The following NELL1 variants were observed in gnomAD, a reference collection of about 807,000 sequenced individuals.
The protein encoded by NELL1 is protein kinase C-binding protein NELL1.
A neutral mutation model predicts 107.4 loss-of-function variants in NELL1; 76 were observed. The ratio of observed to expected loss-of-function variants is 0.71; its 90% CI spans 0.59 to 0.86. NELL1 has a LOEUF of 0.86. Among genes scored for constraint, NELL1 ranks in the 40% least tolerant of loss-of-function variants. The probability of loss-of-function intolerance (pLI) is 0.00; values close to 1 mark genes in which losing one functional copy is unlikely to be tolerated. For missense variants in NELL1, 1,024 were observed against 1,005.5 expected (o/e 1.02, Z -0.25); for synonymous variants, 353 against 341.2 (o/e 1.03, Z -0.38).
chr11:21,113,391 C>G (rs746450820), intron 12 of NELL1, among the ~76,000 whole-genome samples, 198 bp from the exon 13 acceptor site: 19 of 151,998 alleles, frequency 1.3e-4, no homozygotes, highest in Non-Finnish European at 2.1e-4. Context: ...CACCATGCAT[C>G]GTTCTGGAAA....
chr11:21,457,217 G>C (rs4922823), intron 15 of NELL1, among the ~76,000 whole-genome samples: 27,840 of 152,072 alleles, frequency 0.18, 3,190 homozygotes, highest in Non-Finnish European at 0.26. Flanking sequence ...AAATTTAATA[G>C]TTCTTGGCTG....
chr11:21,026,064 A>C (rs1852807286), intron 12 of NELL1, among the ~76,000 whole-genome samples: 1 of 152,086 alleles, frequency 6.6e-6, no homozygotes. Flanking sequence ...AGCCCCCATA[A>C]ACTTTCACCT....
At chr11:21,110,830 G>C (rs1158074091) in intron 12 of NELL1, among the ~76,000 whole-genome samples, 1 of 152,154 alleles carries the variant, frequency 6.6e-6, no homozygotes, top group Non-Finnish European at 1.5e-5. Context: ...ACTACAGCCA[G>C]AGTGATATTT....
At chr11:21,300,331 A>G (rs1349493707) in intron 14 of NELL1, among the ~76,000 whole-genome samples, 2 of 151,934 alleles carry the variant, frequency 1.3e-5, no homozygotes, top group Non-Finnish European at 2.9e-5. Context: ...ATTACAGAGG[A>G]GAAGGAGGAA....
intron 14 of NELL1, among the ~76,000 whole-genome samples, chr11:21,324,922 C>G (rs1850095022): frequency 6.6e-6 from 1 of 151,992 alleles, no homozygotes; most frequent in Non-Finnish European, 1.5e-5. Flanking sequence ...TGTGTTTCCC[C>G]TTTCTTCTCT....
chr11:21,417,296 G>A (rs1387058109), intron 15 of NELL1, among the ~76,000 whole-genome samples: 1 of 151,792 alleles, frequency 6.6e-6, no homozygotes, highest in East Asian at 1.9e-4. Context: ...CCATATCCCA[G>A]TTTCCATTAA....
chr11:20,847,793 A>T (rs374355282), intron 4 of NELL1, 40 bp downstream of exon 4: 1 of 1,557,082 alleles, frequency 6.4e-7, no homozygotes, highest in Non-Finnish European at 8.7e-7. Context: ...TCTGCCCTTG[A>T]AATCAAGCAA....
intron 15 of NELL1, among the ~76,000 whole-genome samples, chr11:21,525,807 C>T (rs1180602157): frequency 6.6e-6 from 1 of 152,138 alleles, no homozygotes; most frequent in Non-Finnish European, 1.5e-5. Flanking sequence ...GAGACTTATT[C>T]ACTACCACAA....
intron 4 of NELL1, among the ~76,000 whole-genome samples, chr11:20,855,788 TTTCTCTGTTCCTTTTATGC>T (rs1369075712): frequency 6.6e-6 from 1 of 152,224 alleles, no homozygotes; most frequent in Admixed American, 6.5e-5. Flanking sequence ...ATATATTAGT[TTTCTCTGTTCCTTTTATGC>T]TTCACTTGTT....
intron 2 of NELL1, among the ~76,000 whole-genome samples, chr11:20,709,325 C>T (rs1405102851): frequency 3.3e-5 from 5 of 152,050 alleles, no homozygotes; most frequent in African/African-American, 4.8e-5. Flanking sequence ...TTTTTGTTTG[C>T]TTTGTTGAAG....
chr11:21,061,558 C>T (rs1853742052), intron 12 of NELL1, among the ~76,000 whole-genome samples: 1 of 152,092 alleles, frequency 6.6e-6, no homozygotes, highest in African/African-American at 2.4e-5. Flanking sequence ...CTTTTGTCTA[C>T]CCATCTGAAA....
chr11:21,139,145 C>A (rs1215668628), intron 13 of NELL1, among the ~76,000 whole-genome samples: 3 of 152,126 alleles, frequency 2.0e-5, no homozygotes, highest in Admixed American at 6.5e-5. Context: ...CCCAAAATAC[C>A]ATCTTAAAGT....
chr11:20,948,410 T>G (rs2134199734), intron 11 of NELL1, among the ~76,000 whole-genome samples: 1 of 152,172 alleles, frequency 6.6e-6, no homozygotes, highest in East Asian at 1.9e-4. Flanking sequence ...GTACATGTGA[T>G]CTTTTGATAC....
At chr11:21,153,801 GA>G (rs879675748) in intron 13 of NELL1, among the ~76,000 whole-genome samples, 1 of 152,114 alleles carries the variant, frequency 6.6e-6, no homozygotes, top group Non-Finnish European at 1.5e-5. Flanking sequence ...ACACTAATAA[GA>G]AGGATATCTA....
intron 3 of NELL1, among the ~76,000 whole-genome samples, chr11:20,838,277 C>G (rs1848567429): frequency 6.7e-6 from 1 of 149,894 alleles, no homozygotes; most frequent in Admixed American, 6.7e-5. Flanking sequence ...AAAAACAAGG[C>G]AAGTCTGAAC....
chr11:20,825,937 G>A (rs1432548754), intron 3 of NELL1, among the ~76,000 whole-genome samples: 1 of 151,234 alleles, frequency 6.6e-6, no homozygotes, highest in Admixed American at 6.6e-5. Flanking sequence ...GACCTTGTGG[G>A]AGGTGATTAG....
At chr11:21,276,766 T>G (rs1003935083) in intron 14 of NELL1, among the ~76,000 whole-genome samples, 5 of 152,166 alleles carry the variant, frequency 3.3e-5, no homozygotes, top group Non-Finnish European at 5.9e-5. Flanking sequence ...CATCTGATCT[T>G]TGACAAACCT....
chr11:20,878,754 A>G (rs1849353920), intron 4 of NELL1, among the ~76,000 whole-genome samples: 3 of 152,222 alleles, frequency 2.0e-5, no homozygotes, highest in Middle Eastern at 6.8e-3. Flanking sequence ...CCATAGTAGG[A>G]CTTTTATAGC....
chr11:20,931,905 A>AG (rs11382206), intron 9 of NELL1, among the ~76,000 whole-genome samples: 97,311 of 151,878 alleles, frequency 0.64, 32,995 homozygotes, highest in Admixed American at 0.78. Context: ...CACCAGGTAA[A>AG]GGTAGGGCTA....
Sources: allele counts gnomAD v4.1 joint callset (sites outside exome capture counted in the v4.1 genomes callset), GRCh38; gene constraint gnomAD v4.1.1; transcripts MANE v1.5; gene names NCBI Gene and HGNC (gene_info 2026-07-23, HGNC 2026-07-21).